Variants in NCLN observed in about 807,000 individuals in gnomAD.
NCLN encodes BOS complex subunit NCLN.
In NCLN, 34 loss-of-function variants were observed where a neutral mutation model predicts 69.5. The ratio of observed to expected loss-of-function variants is 0.49; its 90% CI spans 0.37 to 0.65. NCLN has a LOEUF of 0.65. NCLN is among the 30% of genes least tolerant of loss of function. NCLN has a pLI of 0.00. For missense variants in NCLN, 710 were observed against 804.8 expected, an observed-to-expected ratio of 0.88 and a Z score of 1.42; for synonymous variants, 393 against 358.3, an observed-to-expected ratio of 1.10 and a Z score of -1.09.
chr19:3,201,601 T>C lies in NCLN; in HGVS notation c.775T>C (p.Tyr259His), dbSNP rs1916128065. ...GCTGGCACGCCTCTTCTCCCGGCTC[T>C]ACACCTACAAGCGCACGCACGCCGC... ...LELARLFSRL[Y>H]TYKRTHAAYN... The change falls in exon 6 of 15, where the codon TAC (tyrosine) becomes CAC (histidine). Residue 259 changes from tyrosine (Y) to histidine (H), a missense_variant. Physicochemically the swap from Tyr to His is moderately conservative, Grantham distance 83. Transcript: ENST00000246117. The C allele has an allele frequency of 2.0e-6, 3 of 1,512,074 alleles. No individual in the cohort carries two copies. The allele number at this position is 1,512,074 out of a possible 1,614,324, so 93.7% of individuals were successfully genotyped here.
At position 3,193,328 on chromosome 19, in the gene NCLN, C is replaced by T. The variant is rs757637380; in HGVS notation, c.420C>T (p.Ala140=). The change falls in exon 3 of 15, where the codon GCC becomes GCT. Residue 140 remains alanine, a synonymous_variant. Coordinates refer to ENST00000246117, the MANE Select transcript of NCLN (RefSeq NM_020170.4). ...IEPEMLAMET[A]VPVYFAVEDE... is the part of the protein sequence containing the mutation. Reference sequence around the variant, plus strand: ...CGGAGATGCTGGCCATGGAGACCGCCGTCCCCGTGTACTTTGCCGTGGAGG... The same window carrying T: ...CGGAGATGCTGGCCATGGAGACCGCTGTCCCCGTGTACTTTGCCGTGGAGG... 63 of 1,612,952 alleles carry T rather than the reference C, an allele frequency of 3.9e-5. No individual in the cohort carries two copies. The highest frequency in any genetic ancestry group is 3.1e-5 in the Non-Finnish European group (36 of 1,179,958).
At chr19:3,189,946 T>C (rs1792986606) in intron 1 of NCLN, among the ~76,000 whole-genome samples, 1 of 152,230 alleles carries the variant, frequency 6.6e-6, no homozygotes, top group African/African-American at 2.4e-5. Context: ...CTCTGGGTGC[T>C]GGTGTCCCCC....
rs777848985 is a variant in NCLN at position 3,204,662 on chromosome 19, G to A, written c.1119G>A (p.Glu373=). The A allele has an allele frequency of 3.1e-6, 5 of 1,609,634 alleles. No individual in the cohort carries two copies. The highest frequency in any genetic ancestry group is 1.3e-5 in the African/African-American group (1 of 74,788). Residue 373 remains glutamate, a synonymous_variant, in exon 9 of 15, where the codon GAG becomes GAA. Transcript: ENST00000246117. ...LAEDVLAWEH[E]RFAIRRLPAF... ...AGGACGTGCTGGCCTGGGAGCACGA[G>A]CGCTTCGCCATCCGCCGACTGCCCG...
chr19:3,206,938 C>T (rs1474239450), intron 12 of NCLN, among the ~76,000 whole-genome samples: 1 of 152,104 alleles, frequency 6.6e-6, no homozygotes, highest in Non-Finnish European at 1.5e-5. Context: ...TCTCGGACCT[C>T]GGTCTCCTGA....
intron 4 of NCLN, among the ~76,000 whole-genome samples, chr19:3,197,651 G>T (rs1383831889): frequency 3.0e-5 from 4 of 133,920 alleles, no homozygotes; most frequent in Admixed American, 1.6e-4. Flanking sequence ...ATGGAGTTTC[G>T]CTCCTGTTGC....
chr19:3,201,714 TCTGGAGCCTC>T, intron 6 of NCLN, 88 bp downstream of exon 6: 1 of 1,145,868 alleles, frequency 8.7e-7, no homozygotes, highest in Non-Finnish European at 1.2e-6. Flanking sequence ...CAGATGTTTC[TCTGGAGCCTC>T]CTGGCCCCAA....
chr19:3,189,705 C>T (rs1010803749), intron 1 of NCLN, among the ~76,000 whole-genome samples: 4 of 152,270 alleles, frequency 2.6e-5, no homozygotes, highest in African/African-American at 4.8e-5. Flanking sequence ...GCCGTGTCCA[C>T]ACTAGCTTGT....
At chr19:3,201,310 A>G (rs998173173) in intron 5 of NCLN, among the ~76,000 whole-genome samples, 1 of 152,144 alleles carries the variant, frequency 6.6e-6, no homozygotes, top group Non-Finnish European at 1.5e-5. Flanking sequence ...GGGATTGAAT[A>G]CAGGAGGGGA....
rs1228940191 is a variant in NCLN at position 3,206,277 on chromosome 19, C to G, written c.1351C>G (p.Gln451Glu). 2.6e-6 allele frequency: 4 copies of G among 1,547,320 alleles called. No individual in the cohort carries two copies. Among genetic ancestry groups the G allele is most frequent in the Non-Finnish European group, 3.5e-6 (4 of 1,146,474 alleles). ...GTCCCTACAGCAGATCCAGCAGGAG[C>G]AGCTGGACTCGGTGATGGACTGGCT... ...FTEQMQIQQE[Q>E]LDSVMDWLTN... Residue 451 changes from glutamine (Q) to glutamate (E), a missense_variant, in exon 12 of 15, where the codon CAG (glutamine) becomes GAG (glutamate). By Grantham distance (29) the Gln-to-Glu change is conservative. Coordinates refer to ENST00000246117, the MANE Select transcript of NCLN (RefSeq NM_020170.4).
In NCLN at chr19:3,206,013, A is replaced by G. The variant is rs1261993886; in HGVS notation, c.1283A>G (p.Asn428Ser). ...IAEALTRVIY[N>S]LTEKGTPPDM... The stretch of plus-strand genomic sequence containing the variant: ...GAGGCCCTGACTCGAGTCATCTACA[A>G]CCTGACAGAGAAGGTGAGCCCTGAG... The change falls in exon 10 of 15, where the codon AAC becomes AGC. Residue 428 changes from asparagine to serine, a missense_variant. Transcript: ENST00000246117. 1 of 1,613,182 alleles carries G rather than the reference A, an allele frequency of 6.2e-7. No homozygotes were observed. The highest frequency in any genetic ancestry group is 8.5e-7 in the Non-Finnish European group (1 of 1,179,920).
chr19:3,200,872 GTC>G (rs1452754527), intron 5 of NCLN, among the ~76,000 whole-genome samples: 1 of 151,940 alleles, frequency 6.6e-6, no homozygotes, highest in Non-Finnish European at 1.5e-5. Flanking sequence ...TGTGGACAAA[GTC>G]TTTTGGATCT....
At position 3,207,933 on chromosome 19, in the gene NCLN, C is replaced by T. The variant is rs1389076560; in HGVS notation, c.*245C>T. On this transcript the variant is annotated 3_prime_UTR_variant, in exon 15 of 15. Coordinates refer to ENST00000246117, the MANE Select transcript of NCLN (RefSeq NM_020170.4). ...GGAGAGCTTGGGAGACGTCCCGGGGCCAGGCTACGGACTTGCGGACGAGCC... is the reference window on the plus strand; with the variant it reads ...GGAGAGCTTGGGAGACGTCCCGGGGTCAGGCTACGGACTTGCGGACGAGCC... 2 of 523,292 alleles carry T rather than the reference C, an allele frequency of 3.8e-6. No homozygotes were observed. Among genetic ancestry groups the T allele is most frequent in the Non-Finnish European group, 6.8e-6 (2 of 292,068 alleles). The allele number at this position is 523,292 out of a possible 1,614,324, so 32.4% of individuals were successfully genotyped here. A position where few individuals can be genotyped will look rare whatever the true frequency, so the allele number is the denominator to read the frequency against.
intron 1 of NCLN, among the ~76,000 whole-genome samples, 179 bp downstream of exon 1, chr19:3,186,393 C>T (rs958593079): frequency 3.3e-5 from 5 of 152,078 alleles, no homozygotes; most frequent in African/African-American, 1.2e-4. Context: ...CCCTGCTCTC[C>T]TTGCCTAGCG....
At chr19:3,201,915 C>T (rs1467201173) in intron 6 of NCLN, among the ~76,000 whole-genome samples, 1 of 152,128 alleles carries the variant, frequency 6.6e-6, no homozygotes, top group Non-Finnish European at 1.5e-5. Flanking sequence ...ACTAGGGGAT[C>T]CCCTCAGCCC....
At chr19:3,188,925 G>C (rs1915741644) in intron 1 of NCLN, among the ~76,000 whole-genome samples, 3 of 152,184 alleles carry the variant, frequency 2.0e-5, no homozygotes, top group African/African-American at 7.2e-5. Context: ...GCCCTGCCGA[G>C]GACAGGCCCT....
intron 6 of NCLN, among the ~76,000 whole-genome samples, chr19:3,202,519 C>T (rs1916153370): frequency 2.0e-5 from 3 of 152,238 alleles, no homozygotes; most frequent in Admixed American, 2.0e-4. Flanking sequence ...CCGGCCCAGT[C>T]ACCTGCTCCC....
intron 6 of NCLN, among the ~76,000 whole-genome samples, chr19:3,203,174 G>A (rs1916170031): frequency 6.6e-6 from 1 of 152,044 alleles, no homozygotes; most frequent in Admixed American, 6.6e-5. Flanking sequence ...CAGGTGTGGT[G>A]CTGCATGCCT....
intron 1 of NCLN, among the ~76,000 whole-genome samples, chr19:3,191,658 C>T (rs1915831253): frequency 6.6e-6 from 1 of 152,216 alleles, no homozygotes; most frequent in Non-Finnish European, 1.5e-5. Context: ...TCCAGCCTGC[C>T]CTTGGCCTAT....
chr19:3,186,950 C>T (rs1391815789), intron 1 of NCLN, among the ~76,000 whole-genome samples: 2 of 152,122 alleles, frequency 1.3e-5, no homozygotes, highest in African/African-American at 2.4e-5. Context: ...GGTCCCAGTT[C>T]GTGAGTCATG....
Sources: gnomAD v4.1 joint callset for allele counts (sites outside exome capture counted in the v4.1 genomes callset) on GRCh38, gnomAD v4.1.1 for gene constraint, MANE v1.5 for transcripts, NCBI Gene and HGNC (gene_info 2026-07-23, HGNC 2026-07-21) for gene names.